The following RNF13 variants were observed in gnomAD, a reference collection of about 807,000 sequenced individuals.
RNF13 encodes ring finger protein 13.
Under a neutral mutation model 37.7 loss-of-function variants are expected in RNF13, and 19 were observed. The ratio of observed to expected loss-of-function variants is 0.50; its 90% CI spans 0.35 to 0.74. RNF13 has a LOEUF of 0.74. Ranked by LOEUF, RNF13 falls within the 30% of genes least tolerant of loss-of-function variation. The probability of loss-of-function intolerance (pLI) is 0.01; values close to 1 mark genes in which losing one functional copy is unlikely to be tolerated. For missense variants in RNF13, 375 were observed against 453.0 expected (o/e 0.83, Z 1.56); for synonymous variants, 144 against 157.8 (o/e 0.91, Z 0.65).
At chr3:149,862,482 T>C (rs1724362023) in intron 3 of RNF13, among the ~76,000 whole-genome samples, 1 of 152,134 alleles carries the variant, frequency 6.6e-6, no homozygotes, top group South Asian at 2.1e-4. Flanking sequence ...AAAACATACA[T>C]ATATATATTT....
rs1269337983 is a variant in RNF13, at chr3:149,890,860, ATC to A, written c.322-4611_322-4610del. ...TGAGGTGTAATTCAAGTCTTATAAA[ATC>A]TGTCATAGGTATTTCATCCCACAGC... is the stretch of plus-strand genomic sequence containing the variant. On this transcript the variant is annotated intron_variant, in intron 4 of 9. Transcript: ENST00000392894. 2.6e-5 allele frequency among the ~76,000 whole-genome samples: 4 copies of A among 152,326 alleles called. No individual in the cohort carries two copies. In the East Asian group the frequency reaches 7.7e-4, roughly 29 times the overall value.
intron 1 of RNF13, among the ~76,000 whole-genome samples, chr3:149,819,916 C>T (rs2108311207): frequency 6.6e-6 from 1 of 152,062 alleles, no homozygotes. Flanking sequence ...CTGAGGAAAT[C>T]AGTCTTTTTA....
chr3:149,947,342 T>G (rs1210927968), intron 8 of RNF13, among the ~76,000 whole-genome samples: 1 of 152,146 alleles, frequency 6.6e-6, no homozygotes, highest in Non-Finnish European at 1.5e-5. Context: ...GTTCTATTCT[T>G]ACTGAAAGTG....
intron 8 of RNF13, among the ~76,000 whole-genome samples, chr3:149,951,985 C>G (rs982832574): frequency 2.0e-5 from 3 of 152,150 alleles, no homozygotes; most frequent in Non-Finnish European, 4.4e-5. Context: ...TTTCATTCTT[C>G]CCATTCTCCT....
intron 8 of RNF13, among the ~76,000 whole-genome samples, chr3:149,923,973 CAG>C (rs911352742): frequency 1.3e-5 from 2 of 151,990 alleles, no homozygotes; most frequent in Non-Finnish European, 2.9e-5. Context: ...AGGGTATAAA[CAG>C]AGAGAACAGA....
chr3:149,853,491 A>G (rs1723338262), intron 3 of RNF13, among the ~76,000 whole-genome samples: 1 of 148,606 alleles, frequency 6.7e-6, no homozygotes, highest in African/African-American at 2.6e-5. Context: ...AGAGAGAGAG[A>G]GAGAGAGAGA....
At chr3:149,857,072 C>T (rs951297860) in intron 3 of RNF13, among the ~76,000 whole-genome samples, 2 of 152,086 alleles carry the variant, frequency 1.3e-5, no homozygotes, top group South Asian at 2.1e-4. Flanking sequence ...TTAAACTCTG[C>T]CCAGAAAGTT....
intron 6 of RNF13, among the ~76,000 whole-genome samples, chr3:149,904,047 C>T (rs998989075): frequency 6.6e-5 from 10 of 151,942 alleles, no homozygotes; most frequent in African/African-American, 2.4e-4. Flanking sequence ...ATCTATCTAC[C>T]ACCTACTTTA....
At chr3:149,881,760 C>G (rs952470767) in intron 4 of RNF13, among the ~76,000 whole-genome samples, 1 of 152,082 alleles carries the variant, frequency 6.6e-6, no homozygotes, top group Non-Finnish European at 1.5e-5. Flanking sequence ...AAAATGTTTT[C>G]TAATGAAATA....
intron 1 of RNF13, among the ~76,000 whole-genome samples, chr3:149,844,321 G>A (rs1054763614): frequency 6.6e-6 from 1 of 152,184 alleles, no homozygotes; most frequent in Non-Finnish European, 1.5e-5. Flanking sequence ...GAGTAAATCA[G>A]TGTAAGCGTC....
rs868357699 is a variant in RNF13, at chr3:149,914,036, A to C, written c.606+1953A>C. ...AGCATTTATTTATTCAACCACTTTC[A>C]TTAGTATACACTCATGTATATTTAT... is the stretch of plus-strand genomic sequence containing the variant. On this transcript the variant is annotated intron_variant, in intron 7 of 9. Transcript: ENST00000392894. 2.0e-5 allele frequency among the ~76,000 whole-genome samples: 3 copies of C among 152,296 alleles called. No individual in the cohort carries two copies. In the South Asian group the frequency reaches 6.2e-4, roughly 32 times the overall value.
intron 4 of RNF13, among the ~76,000 whole-genome samples, chr3:149,878,781 T>C (rs1382343694): frequency 6.6e-6 from 1 of 152,200 alleles, no homozygotes; most frequent in Non-Finnish European, 1.5e-5. Flanking sequence ...TTTTCTTCCC[T>C]TATAGAATAA....
chr3:149,932,608 C>T (rs1172741311), intron 8 of RNF13, among the ~76,000 whole-genome samples: 1 of 152,238 alleles, frequency 6.6e-6, no homozygotes, highest in East Asian at 1.9e-4. Flanking sequence ...AAGTCTGAAA[C>T]CTAGCAGGGC....
chr3:149,921,150 A>G lies in RNF13; in HGVS notation c.623A>G (p.Gln208Arg). 1 of 1,380,660 alleles carries G rather than the reference A, an allele frequency of 7.2e-7. No homozygotes were observed. Among genetic ancestry groups the G allele is most frequent in the Non-Finnish European group, 9.5e-7 (1 of 1,047,808 alleles). 85.5% of individuals were successfully genotyped at this position (1,380,660 alleles called of 1,614,324 possible). Residue 208 changes from glutamine to arginine, a missense_variant, in exon 8 of 10, where the codon CAG becomes CGG. Gln to Arg is a conservative substitution (Grantham distance 43). Coordinates refer to ENST00000392894, the MANE Select transcript of RNF13 (RefSeq NM_183381.3). ...TATTTTTAGATCACAAAATTTGTCC[A>G]GGATAGACATAGAGCTAGAAGAAAC... is the stretch of plus-strand genomic sequence containing the variant. ...IVIFMITKFV[Q>R]DRHRARRNRL...
At chr3:149,817,740 G>C (rs1052828418) in intron 1 of RNF13, among the ~76,000 whole-genome samples, 1 of 152,122 alleles carries the variant, frequency 6.6e-6, no homozygotes, top group Non-Finnish European at 1.5e-5. Context: ...AATTCTGAGA[G>C]TTGTTTTGAA....
At chr3:149,915,082 T>A (rs962331591) in intron 7 of RNF13, among the ~76,000 whole-genome samples, 12 of 152,298 alleles carry the variant, frequency 7.9e-5, no homozygotes, top group South Asian at 6.2e-4. Flanking sequence ...TTGACTTTTT[T>A]AAATGGGTAC....
chr3:149,959,123 TAA>T (rs1417523335), intron 8 of RNF13, among the ~76,000 whole-genome samples: 3 of 152,248 alleles, frequency 2.0e-5, no homozygotes, highest in African/African-American at 7.2e-5. Flanking sequence ...AAAAGTTTTA[TAA>T]GTTTTTATCT....
chr3:149,920,671 T>C (rs1360198456), intron 7 of RNF13, among the ~76,000 whole-genome samples: 2 of 152,160 alleles, frequency 1.3e-5, no homozygotes, highest in Non-Finnish European at 2.9e-5. Context: ...CCGGCATTTC[T>C]GAATATTTGT....
intron 4 of RNF13, among the ~76,000 whole-genome samples, chr3:149,880,830 A>C (rs1412354899): frequency 3.3e-5 from 5 of 152,250 alleles, no homozygotes; most frequent in Admixed American, 6.5e-5. Flanking sequence ...GAAAGGCATC[A>C]ATCTTTTTTC....
Sources: allele counts gnomAD v4.1 joint callset (sites outside exome capture counted in the v4.1 genomes callset), GRCh38; gene constraint gnomAD v4.1.1; transcripts MANE v1.5; gene names NCBI Gene and HGNC (gene_info 2026-07-23, HGNC 2026-07-21).